Variants in FASTKD2 observed in about 807,000 individuals in gnomAD.
FASTKD2 encodes FAST kinase domain-containing protein 2, mitochondrial.
FASTKD2 carries 51 observed loss-of-function variants against 63.6 expected under a neutral mutation model. The observed-to-expected ratio is 0.80, with a 90% CI of 0.64 to 1.01. The LOEUF (loss-of-function observed/expected upper bound fraction) is 1.01. FASTKD2 is among the 50% of genes least tolerant of loss of function. FASTKD2 has a pLI of 0.00. For synonymous variants in FASTKD2, 284 were observed against 293.4 expected (o/e 0.97, Z 0.33); for missense variants, 786 against 831.1 (o/e 0.95, Z 0.67).
intron 4 of FASTKD2, among the ~76,000 whole-genome samples, chr2:206,771,597 T>C (rs1003913244): frequency 6.9e-6 from 1 of 145,960 alleles, no homozygotes; most frequent in South Asian, 2.1e-4. Context: ...CAGGGAGATC[T>C]CTTGATCCCA....
rs779733336 is a variant in FASTKD2, at chr2:206,771,992, G to A, written c.1089G>A (p.Leu363=). ...AAMNHRSLIL[L]DECSKVVLDN... ...TGAATCACCGATCTCTTATACTCCT[G>A]GATGAATGCAGTAAGGTGGTCCTAG... Residue 363 remains leucine, a synonymous_variant, in exon 5 of 12, where the codon CTG becomes CTA. Transcript: ENST00000402774. The A allele has an allele frequency of 8.7e-6, 14 of 1,613,470 alleles. No individual in the cohort carries two copies. In the Admixed American group the frequency reaches 2.3e-4, roughly 27 times the overall value.
At chr2:206,779,502 G>A (rs1453289463) in intron 7 of FASTKD2, among the ~76,000 whole-genome samples, 1 of 152,160 alleles carries the variant, frequency 6.6e-6, no homozygotes, top group East Asian at 1.9e-4. Context: ...CAAAGGGGAA[G>A]CAGTCACCTT....
intron 10 of FASTKD2, chr2:206,789,548 A>G (rs530273042): frequency 6.6e-6 from 1 of 152,330 alleles, no homozygotes; most frequent in Non-Finnish European, 1.5e-5. Context: ...TGCTACATGG[A>G]TCCTGACCCC....
intron 7 of FASTKD2, among the ~76,000 whole-genome samples, chr2:206,785,228 A>G (rs770088793): frequency 6.6e-6 from 1 of 152,226 alleles, no homozygotes; most frequent in Non-Finnish European, 1.5e-5. Context: ...CCCTCACAAC[A>G]CAAGGGAATT....
In FASTKD2 at chr2:206,767,332, TAATC is replaced by T; in HGVS notation, c.641_644del (p.Asn214SerfsTer6). 3 of 1,614,198 alleles carry T rather than the reference TAATC, an allele frequency of 1.9e-6. No individual in the cohort carries two copies. The highest frequency in any genetic ancestry group is 2.5e-6 in the Non-Finnish European group (3 of 1,180,028). On this transcript the variant is annotated frameshift_variant, in exon 2 of 12. Coordinates refer to ENST00000402774, the MANE Select transcript of FASTKD2 (RefSeq NM_001136193.2). LOFTEE classifies it high-confidence loss of function. ...GACTGATGTTTAGCCACCCTGCATT[TAATC>T]AGCTCTGTGAACATATGATGAGAGA...
chr2:206,790,554 GT>G lies in FASTKD2; in HGVS notation c.1899-15del, dbSNP rs1473523165. On this transcript the variant is annotated splice_polypyrimidine_tract_variant and intron_variant, in intron 10 of 11. Coordinates refer to ENST00000402774, the MANE Select transcript of FASTKD2 (RefSeq NM_001136193.2). ...TAATATCAATAACTGTTCTTGTTTT[GT>G]TTATTTTTGTTTTCAGAGTAGCTGT... The G allele has an allele frequency of 2.1e-6, 3 of 1,407,334 alleles. No homozygotes were observed. In the South Asian group the frequency reaches 3.5e-5, roughly 16 times the overall value. 87.2% of individuals were successfully genotyped at this position (1,407,334 alleles called of 1,614,324 possible). A position where few individuals can be genotyped will look rare whatever the true frequency, so the allele number is the denominator to read the frequency against.
intron 7 of FASTKD2, among the ~76,000 whole-genome samples, chr2:206,777,882 T>A (rs191268814): frequency 2.9e-4 from 44 of 152,324 alleles, no homozygotes; most frequent in Non-Finnish European, 5.9e-4. Context: ...TCTTGGTAGG[T>A]TGTATTTTTC....
chr2:206,780,263 G>T (rs73070058), intron 7 of FASTKD2, among the ~76,000 whole-genome samples: 4,476 of 152,102 alleles, frequency 0.029, 118 homozygotes, highest in African/African-American at 0.065. Flanking sequence ...CATTTCACCT[G>T]TCTTTAGCGT....
chr2:206,788,731 CA>C lies in FASTKD2; in HGVS notation c.1814-71del, dbSNP rs5838043. The C allele has an allele frequency of 0.13, 67,877 of 532,210 alleles. 24 individuals carry two copies. Among genetic ancestry groups the C allele is most frequent in the Non-Finnish European group, 0.14 (44,914 of 310,566 alleles). 33.0% of individuals were successfully genotyped at this position (532,210 alleles called of 1,614,324 possible). On this transcript the variant is annotated intron_variant, in intron 9 of 11. Transcript: ENST00000402774. ...TGGATGACAGAGCGAGACCACATCT[CA>C]AAAAAAAAAAAAAAAAGGAAAAGAA...
rs900580590 is a variant in FASTKD2, at chr2:206,795,434, A to G, written c.*3632A>G. 2.0e-5 allele frequency among the ~76,000 whole-genome samples: 3 copies of G among 152,264 alleles called. No homozygotes were observed. The highest frequency in any genetic ancestry group is 4.4e-5 in the Non-Finnish European group (3 of 68,006). On this transcript the variant is annotated 3_prime_UTR_variant, in exon 12 of 12. Transcript: ENST00000402774. ...TTTTTAGCAGAAACAGGGTTTCACCATGTTAGCCAGGATGGTCTCGATCTC... is the reference window on the plus strand; with the variant it reads ...TTTTTAGCAGAAACAGGGTTTCACCGTGTTAGCCAGGATGGTCTCGATCTC...
intron 2 of FASTKD2, among the ~76,000 whole-genome samples, chr2:206,769,546 G>A (rs1689611299): frequency 6.6e-6 from 1 of 152,202 alleles, no homozygotes; most frequent in Admixed American, 6.5e-5. Flanking sequence ...GTGGGGTGTA[G>A]GCTTCCCTTG....
At chr2:206,788,360 C>G (rs576060164) in intron 9 of FASTKD2, among the ~76,000 whole-genome samples, 1 of 152,208 alleles carries the variant, frequency 6.6e-6, no homozygotes, top group South Asian at 2.1e-4. Context: ...AGACTAGTAT[C>G]TGACACATGG....
rs1397026460 is a variant in FASTKD2, at chr2:206,794,758, G to A, written c.*2956G>A. Among the ~76,000 whole-genome samples the A allele has an allele frequency of 6.6e-6, 1 of 152,148 alleles. No homozygotes were observed. The highest frequency in any genetic ancestry group is 1.5e-5 in the Non-Finnish European group (1 of 68,022). On this transcript the variant is annotated 3_prime_UTR_variant, in exon 12 of 12. Transcript: ENST00000402774. ...GTGATAATACACATGGACCTCAAAT[G>A]CAATTGAACTATTCATATCAAGTAT... is the stretch of plus-strand genomic sequence containing the variant.
At position 206,767,149 on chromosome 2, in the gene FASTKD2, C is replaced by T. The variant is rs756222226; in HGVS notation, c.456C>T (p.Asn152=). ...TTCTTACCAAGGAAACAAAACCAAA[C>T]CGTATCAGCAGTAGAAAACTGTCTG... ...EDVLTKETKP[N]RISSRKLSEE... The change falls in exon 2 of 12, where the codon AAC becomes AAT. Residue 152 remains asparagine (N), a synonymous_variant. Transcript: ENST00000402774. The T allele has an allele frequency of 9.3e-6, 15 of 1,614,114 alleles. No homozygotes were observed. The highest frequency in any genetic ancestry group is 1.2e-5 in the Non-Finnish European group (14 of 1,179,980).
Position 206,772,255 on chromosome 2 carries a change from T to A in FASTKD2, c.1189T>A (p.Leu397Met). ...CTGCAAAGACCTCCAGTACCATAAT[T>A]TGGATCTCTTCAAGGGACTTGCAGA... The part of the protein sequence containing the change: ...QSCKDLQYHN[L>M]DLFKGLADYV... Residue 397 changes from leucine to methionine, a missense_variant, in exon 6 of 12, where the codon TTG (leucine) becomes ATG (methionine). Coordinates refer to ENST00000402774, the MANE Select transcript of FASTKD2 (RefSeq NM_001136193.2). 1 of 1,613,902 alleles carries A rather than the reference T, an allele frequency of 6.2e-7. No homozygotes were observed. The highest frequency in any genetic ancestry group is 8.5e-7 in the Non-Finnish European group (1 of 1,179,778).
intron 7 of FASTKD2, among the ~76,000 whole-genome samples, chr2:206,781,635 C>T (rs1382799829): frequency 6.7e-6 from 1 of 149,282 alleles, no homozygotes; most frequent in Non-Finnish European, 1.5e-5. Flanking sequence ...TTATGGATTT[C>T]TAAGTAGAGG....
intron 6 of FASTKD2, among the ~76,000 whole-genome samples, chr2:206,773,806 C>T (rs1689750746): frequency 6.6e-6 from 1 of 152,142 alleles, no homozygotes; most frequent in South Asian, 2.1e-4. Context: ...GGGGTTATGT[C>T]TTACATGTTA....
intron 6 of FASTKD2, 137 bp from the exon 7 acceptor site, chr2:206,774,088 A>G (rs772638807): frequency 3.2e-6 from 2 of 619,922 alleles, no homozygotes; most frequent in Non-Finnish European, 5.6e-6. Flanking sequence ...GTTCCTTTTC[A>G]TGGAAATATT....
intron 4 of FASTKD2, 68 bp downstream of exon 4, chr2:206,771,358 C>T (rs1689677038): frequency 3.3e-6 from 3 of 922,102 alleles, no homozygotes; most frequent in Non-Finnish European, 5.4e-6. Context: ...GCTATCACTG[C>T]CTGAAGTCAA....
Sources: gnomAD v4.1 joint callset for allele counts (sites outside exome capture counted in the v4.1 genomes callset) on GRCh38, gnomAD v4.1.1 for gene constraint, MANE v1.5 for transcripts, NCBI Gene and HGNC (gene_info 2026-07-23, HGNC 2026-07-21) for gene names.